Variants in MAP7D1 observed in about 807,000 individuals in gnomAD.
MAP7D1 encodes MAP7 domain-containing protein 1.
A neutral mutation model predicts 97.5 loss-of-function variants in MAP7D1; 30 were observed. The observed-to-expected ratio is 0.31, with a 90% confidence interval of 0.23 to 0.42. The LOEUF is 0.42. Among genes scored for constraint, MAP7D1 ranks in the 10% least tolerant of loss-of-function variants. The probability of loss-of-function intolerance (pLI) is 1.00; values close to 1 mark genes in which losing one functional copy is unlikely to be tolerated. For missense variants in MAP7D1, 1,184 were observed against 1,179.5 expected, an observed-to-expected ratio of 1.00 and a Z score of -0.06; for synonymous variants, 536 against 477.1, an observed-to-expected ratio of 1.12 and a Z score of -1.61.
intron 4 of MAP7D1, 82 bp from the exon 5 acceptor site, chr1:36,173,282 C>A: frequency 3.0e-6 from 3 of 1,011,670 alleles, no homozygotes; most frequent in South Asian, 1.5e-5. Flanking sequence ...GAGGCATTGT[C>A]ACAGGAGGAA....
chr1:36,156,430 C>G lies in MAP7D1; in HGVS notation c.13C>G (p.Pro5Ala). Residue 5 changes from proline to alanine, a missense_variant, in exon 1 of 17, where the codon CCG becomes GCG. Physicochemically the swap from Pro to Ala is conservative, Grantham distance 27. Coordinates refer to ENST00000474796, the MANE Select transcript of MAP7D1 (RefSeq NM_001388490.1). MESG[P>A]RAELGAGAPP... ...TGACGCCGCAGCCATGGAGAGCGGC[C>G]CGCGTGCGGAGCTGGGGGCGGGCGC... 6.8e-7 allele frequency: 1 copy of G among 1,479,308 alleles called. No homozygotes were observed. The highest frequency in any genetic ancestry group is 1.3e-5 in the South Asian group (1 of 78,514). The allele number at this position is 1,479,308 out of a possible 1,614,324, so 91.6% of individuals were successfully genotyped here.
chr1:36,172,296 G>A (rs779858990), intron 3 of MAP7D1, 168 bp from the exon 4 acceptor site: 1 of 578,866 alleles, frequency 1.7e-6, no homozygotes, highest in South Asian at 4.5e-5. Context: ...TCTTCAGTAA[G>A]CCTCTCAATT....
At position 36,158,822 on chromosome 1, in the gene MAP7D1, G is replaced by A. The variant is rs554046754; in HGVS notation, c.46+2359G>A. 3.1e-4 allele frequency among the ~76,000 whole-genome samples: 47 copies of A among 152,194 alleles called. No homozygotes were observed. In the East Asian group the frequency reaches 8.5e-3, roughly 27 times the overall value. ...GATTTGTTTAAGAGTGTAGATTTTG[G>A]AATTAAACAGTTTAAGTCTCCACTT... On this transcript the variant is annotated intron_variant, in intron 1 of 16. Transcript: ENST00000474796.
chr1:36,178,582 G>T lies in MAP7D1; in HGVS notation c.1872G>T (p.Gln624His). 6.3e-7 allele frequency: 1 copy of T among 1,583,518 alleles called. No individual in the cohort carries two copies. The highest frequency in any genetic ancestry group is 2.3e-5 in the East Asian group (1 of 43,412). ...GCGAGGAGCAGGAGCGGAGGCTGCA[G>T]GCAGAAAGGGACAAGTGAGTGCGCC... is the stretch of plus-strand genomic sequence containing the variant. ...REREEQERRL[Q>H]AERDKRMREE... The change falls in exon 10 of 17, where the codon CAG (glutamine) becomes CAT (histidine). Residue 624 changes from glutamine to histidine, a missense_variant. Coordinates refer to ENST00000474796, the MANE Select transcript of MAP7D1 (RefSeq NM_001388490.1).
intron 1 of MAP7D1, among the ~76,000 whole-genome samples, chr1:36,167,855 G>A (rs74066059): frequency 3.7e-4 from 56 of 152,342 alleles, no homozygotes; most frequent in African/African-American, 1.3e-3. Flanking sequence ...TTGCCTAGGT[G>A]TAGACAAACA....
Position 36,156,253 on chromosome 1 carries a change from C to T in MAP7D1, c.-165C>T, listed in dbSNP as rs1235792943. The T allele has an allele frequency of 4.2e-6, 2 of 478,140 alleles. No homozygotes were observed. Among genetic ancestry groups the T allele is most frequent in the Admixed American group, 4.4e-5 (1 of 22,478 alleles). 29.6% of individuals were successfully genotyped at this position (478,140 alleles called of 1,614,324 possible). A position where few individuals can be genotyped will look rare whatever the true frequency, so the allele number is the denominator to read the frequency against. ...CCGGGCGACCGGCACCTCCGAGACT[C>T]GCGGGCCACCTGCCTCGACCTTCCC... is the stretch of plus-strand genomic sequence containing the variant. On this transcript the variant is annotated 5_prime_UTR_variant, in exon 1 of 17. Transcript: ENST00000474796.
chr1:36,172,623 A>C lies in MAP7D1; in HGVS notation c.620A>C (p.Asn207Thr). ...CGGCAGCGGCAGAAGCTCGAGAAAA[A>C]CAAGGTGCGGGATGGGTCTCCGTGA... ...EERQRQKLEK[N>T]KERYEAAIQR... The change falls in exon 4 of 17, where the codon AAC (asparagine) becomes ACC (threonine). Residue 207 changes from asparagine (N) to threonine (T), a missense_variant. By Grantham distance (65) the Asn-to-Thr change is moderately conservative (BLOSUM62 0). Transcript: ENST00000474796. 1 of 1,568,752 alleles carries C rather than the reference A, an allele frequency of 6.4e-7. No homozygotes were observed. Among genetic ancestry groups the C allele is most frequent in the Non-Finnish European group, 8.7e-7 (1 of 1,146,742 alleles).
In MAP7D1 at chr1:36,171,536, C is replaced by G. The variant is rs1403032134; in HGVS notation, c.415C>G (p.His139Asp). Reference protein sequence around the residue: ...KQEVKKAGERHKLAKERREER... With the variant: ...KQEVKKAGERDKLAKERREER... The stretch of plus-strand genomic sequence containing the variant: ...AGAGGTGAAGAAGGCAGGAGAGAGA[C>G]ACAAGCTGGCAAAGGAGCGGCGAGA... The change falls in exon 3 of 17, where the codon CAC becomes GAC. Residue 139 changes from histidine (H) to aspartate (D), a missense_variant. His to Asp is a moderately conservative substitution (Grantham distance 81, BLOSUM62 -1). Coordinates refer to ENST00000474796, the MANE Select transcript of MAP7D1 (RefSeq NM_001388490.1). The G allele has an allele frequency of 2.5e-6, 4 of 1,614,222 alleles. No individual in the cohort carries two copies. The East Asian group carries it at 6.7e-5, about 27-fold the overall frequency.
chr1:36,167,516 T>C (rs1204456401), intron 1 of MAP7D1, among the ~76,000 whole-genome samples: 1 of 152,130 alleles, frequency 6.6e-6, no homozygotes, highest in East Asian at 1.9e-4. Context: ...GACGTGGATA[T>C]ATTCTTCGGG....
intron 1 of MAP7D1, among the ~76,000 whole-genome samples, chr1:36,158,149 A>C (rs567208114): frequency 5.1e-4 from 71 of 140,372 alleles, no homozygotes; most frequent in African/African-American, 1.7e-3. Context: ...GGCAGGGGGG[A>C]TGTTCGGTGG....
At chr1:36,179,407 G>A in intron 13 of MAP7D1, 92 bp downstream of exon 13, 1 of 1,582,306 alleles carries the variant, frequency 6.3e-7, no homozygotes, top group Non-Finnish European at 8.6e-7. Flanking sequence ...GGAGAGCGAG[G>A]CTGTCAGGGA....
chr1:36,169,498 G>T (rs1380535110), intron 1 of MAP7D1, among the ~76,000 whole-genome samples: 2 of 151,992 alleles, frequency 1.3e-5, no homozygotes, highest in Non-Finnish European at 2.9e-5. Flanking sequence ...GGAGCTTGCG[G>T]TGAGCCCAGA....
intron 1 of MAP7D1, among the ~76,000 whole-genome samples, chr1:36,165,183 G>T (rs1482683441): frequency 6.6e-6 from 1 of 152,162 alleles, no homozygotes; most frequent in East Asian, 1.9e-4. Context: ...GTATACAGTG[G>T]TATAATCATC....
rs142245111 is a variant in MAP7D1, at chr1:36,172,503, C to T, written c.500C>T (p.Ala167Val). Reference sequence around the variant, plus strand: ...GTGTGGCTGGAGAAGGAGGAGAAGGCCAAGGCGCTGCGGGAGAAGCAGCTC... The same window carrying T: ...GTGTGGCTGGAGAAGGAGGAGAAGGTCAAGGCGCTGCGGGAGAAGCAGCTC... ...KAVWLEKEEKAKALREKQLQE... is the reference protein window; with the variant it reads ...KAVWLEKEEKVKALREKQLQE... Residue 167 changes from alanine to valine, a missense_variant, in exon 4 of 17, where the codon GCC becomes GTC. Transcript: ENST00000474796. The T allele has an allele frequency of 1.2e-6, 2 of 1,600,882 alleles. No homozygotes were observed. Among genetic ancestry groups the T allele is most frequent in the East Asian group, 4.5e-5 (2 of 44,526 alleles).
chr1:36,168,449 A>G (rs1644500177), intron 1 of MAP7D1, among the ~76,000 whole-genome samples: 1 of 152,192 alleles, frequency 6.6e-6, no homozygotes, highest in Non-Finnish European at 1.5e-5. Context: ...CACCACTGTT[A>G]GTGAGTAGTA....
chr1:36,179,176 T>C, intron 12 of MAP7D1, 86 bp from the exon 13 acceptor site: 1 of 1,545,418 alleles, frequency 6.5e-7, no homozygotes, highest in Non-Finnish European at 8.9e-7. Context: ...TGGGAGGCCC[T>C]AAGACTCCGA....
chr1:36,156,709 G>A (rs1644335928), intron 1 of MAP7D1, among the ~76,000 whole-genome samples: 1 of 152,038 alleles, frequency 6.6e-6, no homozygotes, highest in Non-Finnish European at 1.5e-5. Context: ...GACCCCGCGC[G>A]GGAGTTGTTG....
chr1:36,177,796 C>T, intron 8 of MAP7D1, 77 bp from the exon 9 acceptor site: 1 of 1,513,390 alleles, frequency 6.6e-7, no homozygotes, highest in African/African-American at 1.4e-5. Flanking sequence ...GAGGGGGCAC[C>T]TCCCAGAGGA....
chr1:36,165,464 C>CT (rs538278038), intron 1 of MAP7D1, among the ~76,000 whole-genome samples: 218 of 136,028 alleles, frequency 1.6e-3, no homozygotes, highest in Middle Eastern at 3.8e-3. Context: ...TTTTCTTTTT[C>CT]TTTTTTTTTT....
Sources: gnomAD v4.1 joint callset for allele counts (sites outside exome capture counted in the v4.1 genomes callset) on GRCh38, gnomAD v4.1.1 for gene constraint, MANE v1.5 for transcripts, NCBI Gene and HGNC (gene_info 2026-07-23, HGNC 2026-07-21) for gene names.